The following CHL1 variants were observed in gnomAD, a reference collection of about 807,000 sequenced individuals.
CHL1 encodes neural cell adhesion molecule L1-like protein.
CHL1 carries 96 observed loss-of-function variants against 141.9 expected under a neutral mutation model. The ratio of observed to expected loss-of-function variants is 0.68; its 90% confidence interval spans 0.57 to 0.80. The LOEUF (loss-of-function observed/expected upper bound fraction) is 0.80, where lower values mean the gene tolerates loss of function less well. Ranked by LOEUF, CHL1 falls within the 30% of genes least tolerant of loss-of-function variation. The pLI, the probability that CHL1 is intolerant of heterozygous loss-of-function variation, is 0.00. For synonymous variants in CHL1, 613 were observed against 502.2 expected (o/e 1.22, Z -2.95); for missense variants, 1,820 against 1,457.2 (o/e 1.25, Z -4.05).
At chr3:262,464 A>G (rs1330037815) in intron 2 of CHL1, among the ~76,000 whole-genome samples, 111 of 110,858 alleles carry the variant, frequency 1.0e-3, no homozygotes, top group East Asian at 1.9e-3. Flanking sequence ...TCACACGTTT[A>G]AGCCTAGATC....
In CHL1 at chr3:211,668, C is replaced by T. The variant is rs555940556; in HGVS notation, c.-175+14605C>T. Among the ~76,000 whole-genome samples, 9 of 152,240 alleles carry T rather than the reference C, an allele frequency of 5.9e-5. No individual in the cohort carries two copies. In the South Asian group the frequency reaches 1.4e-3, roughly 25 times the overall value. On this transcript the variant is annotated intron_variant, in intron 1 of 27. Coordinates refer to ENST00000256509, the MANE Select transcript of CHL1 (RefSeq NM_006614.4). ...AACATGAGTAGATGTTTTCCCCTCA[C>T]AGTCTTGCCAAAAAGCACTTATAAA... is the stretch of plus-strand genomic sequence containing the variant.
At chr3:306,486 C>G (rs1220941408) in intron 2 of CHL1, among the ~76,000 whole-genome samples, 1 of 152,118 alleles carries the variant, frequency 6.6e-6, no homozygotes, top group Non-Finnish European at 1.5e-5. Flanking sequence ...TGCCCCAAAT[C>G]TCTCTGATTA....
At chr3:398,719 C>A (rs959340482) in intron 25 of CHL1, among the ~76,000 whole-genome samples, 1 of 152,180 alleles carries the variant, frequency 6.6e-6, no homozygotes, top group African/African-American at 2.4e-5. Flanking sequence ...AGGCAGCTTG[C>A]GCTTTTGTTT....
chr3:267,792 A>C (rs556465898), intron 2 of CHL1, among the ~76,000 whole-genome samples: 1 of 152,366 alleles, frequency 6.6e-6, no homozygotes, highest in South Asian at 2.1e-4. Context: ...AAGACTCAAG[A>C]TGTGTTTTCT....
At chr3:356,703 T>C (rs909213703) in intron 11 of CHL1, among the ~76,000 whole-genome samples, 1 of 152,110 alleles carries the variant, frequency 6.6e-6, no homozygotes, top group African/African-American at 2.4e-5. Context: ...GGGAAAGTGC[T>C]GTCTCAGTGG....
rs531986883 is a variant in CHL1 at position 298,120 on chromosome 3, A to G, written c.-94-21563A>G. Among the ~76,000 whole-genome samples, 9 of 152,354 alleles carry G rather than the reference A, an allele frequency of 5.9e-5. No individual in the cohort carries two copies. The East Asian group carries it at 1.7e-3, about 29-fold the overall frequency. ...GGTTATAACTCAGGAAAGAGACAAC[A>G]TATCAACATATGAATGTGGGTATAT... is the stretch of plus-strand genomic sequence containing the variant. On this transcript the variant is annotated intron_variant, in intron 2 of 27. Transcript: ENST00000256509.
intron 8 of CHL1, among the ~76,000 whole-genome samples, chr3:343,848 T>G (rs2125161274): frequency 6.6e-6 from 1 of 152,292 alleles, no homozygotes; most frequent in Non-Finnish European, 1.5e-5. Flanking sequence ...CAGCACTCAA[T>G]GAAAAATCAT....
rs143218148 is a variant in CHL1, at chr3:358,754, T to A, written c.1166-1530T>A. On this transcript the variant is annotated intron_variant, in intron 11 of 27. Coordinates refer to ENST00000256509, the MANE Select transcript of CHL1 (RefSeq NM_006614.4). Reference sequence around the variant, plus strand: ...TCCTAGGCAGAAAAAGATGTGTAAGTCTTTTATTTCAATATGTAGTATTCA... The same window carrying A: ...TCCTAGGCAGAAAAAGATGTGTAAGACTTTTATTTCAATATGTAGTATTCA... Among the ~76,000 whole-genome samples, 525 of 151,944 alleles carry A rather than the reference T, an allele frequency of 3.5e-3. 11 individuals are homozygous for A. In the East Asian group the frequency reaches 0.063, roughly 18 times the overall value.
At chr3:242,687 C>CAT (rs1338576021) in intron 1 of CHL1, among the ~76,000 whole-genome samples, 4 of 90,682 alleles carry the variant, frequency 4.4e-5, no homozygotes, top group Middle Eastern at 0.011. Context: ...CACAAACACA[C>CAT]ACACACACAC....
intron 2 of CHL1, among the ~76,000 whole-genome samples, chr3:276,915 AAG>A (rs1260234695): frequency 6.7e-6 from 1 of 149,860 alleles, no homozygotes; most frequent in Non-Finnish European, 1.5e-5. Context: ...AAAAAAAAAA[AAG>A]AGTATGGGCT....
chr3:242,068 G>A (rs1015342529), intron 1 of CHL1, among the ~76,000 whole-genome samples: 8 of 152,068 alleles, frequency 5.3e-5, no homozygotes, highest in Non-Finnish European at 1.0e-4. Context: ...TCCACTATAT[G>A]TATATCCTAA....
chr3:287,105 T>G lies in CHL1; in HGVS notation c.-94-32578T>G, dbSNP rs75524609. On this transcript the variant is annotated intron_variant, in intron 2 of 27. Coordinates refer to ENST00000256509, the MANE Select transcript of CHL1 (RefSeq NM_006614.4). ...CAGTAGGTCTCAGCCTTATTTTACC[T>G]AACCCCCATTCAAGATGGAGTTGCT... Among the ~76,000 whole-genome samples the G allele has an allele frequency of 9.8e-3, 1,490 of 152,300 alleles. 23 individuals are homozygous for G. The highest frequency in any genetic ancestry group is 0.034 in the African/African-American group (1,419 of 41,560).
intron 2 of CHL1, among the ~76,000 whole-genome samples, chr3:267,978 T>C (rs1695300934): frequency 6.6e-6 from 1 of 152,152 alleles, no homozygotes; most frequent in African/African-American, 2.4e-5. Context: ...AATGATTCTT[T>C]CCTATGAAAA....
chr3:338,321 G>GA (rs541340100), intron 5 of CHL1, among the ~76,000 whole-genome samples: 3 of 152,140 alleles, frequency 2.0e-5, no homozygotes, highest in Non-Finnish European at 2.9e-5. Flanking sequence ...CTCATTTACC[G>GA]AAAAAAATAT....
intron 1 of CHL1, among the ~76,000 whole-genome samples, chr3:205,265 C>G (rs1699322519): frequency 1.3e-5 from 2 of 152,162 alleles, no homozygotes; most frequent in South Asian, 4.2e-4. Flanking sequence ...CGGGCACCAT[C>G]ATGTCTGGCT....
intron 5 of CHL1, among the ~76,000 whole-genome samples, chr3:333,907 C>A (rs11129453): frequency 0.86 from 131,083 of 152,220 alleles, 56,497 homozygotes; most frequent in East Asian, 0.99. Flanking sequence ...CTATTCCAGC[C>A]TAGATAATTT....
At chr3:208,945 C>T (rs1699672347) in intron 1 of CHL1, among the ~76,000 whole-genome samples, 1 of 152,110 alleles carries the variant, frequency 6.6e-6, no homozygotes, top group African/African-American at 2.4e-5. Flanking sequence ...ATATTTCTCA[C>T]GTATTGCCAA....
rs147915720 is a variant in CHL1 at position 378,054 on chromosome 3, A to G, written c.1876+112A>G. 9.9e-5 allele frequency: 93 copies of G among 935,392 alleles called. 1 individual carries two copies. The highest frequency in any genetic ancestry group is 7.4e-4 in the African/African-American group (43 of 58,292). 57.9% of individuals were successfully genotyped at this position (935,392 alleles called of 1,614,324 possible). On this transcript the variant is annotated intron_variant, in intron 16 of 27. Coordinates refer to ENST00000256509, the MANE Select transcript of CHL1 (RefSeq NM_006614.4). Reference sequence around the variant, plus strand: ...TTTGAGCCCCTGCACATATATTGTTAGTTTCAAATTTTTGTTTAAAAAGCA... The same window carrying G: ...TTTGAGCCCCTGCACATATATTGTTGGTTTCAAATTTTTGTTTAAAAAGCA...
chr3:259,097 C>CT (rs958563305), intron 2 of CHL1, among the ~76,000 whole-genome samples: 7 of 151,620 alleles, frequency 4.6e-5, no homozygotes, highest in Non-Finnish European at 8.8e-5. Context: ...CCATGCATGT[C>CT]TTTTTTTTAG....
Sources: gnomAD v4.1 joint callset for allele counts (sites outside exome capture counted in the v4.1 genomes callset) on GRCh38, gnomAD v4.1.1 for gene constraint, MANE v1.5 for transcripts, NCBI Gene and HGNC (gene_info 2026-07-23, HGNC 2026-07-21) for gene names.